The following PLEKHG4 variants were observed in gnomAD, a reference collection of about 807,000 sequenced individuals.
PLEKHG4 encodes the protein pleckstrin homology and RhoGEF domain containing G4, also known as puratrophin-1.
In PLEKHG4, 85 loss-of-function variants were observed where a neutral mutation model predicts 136.9. The observed-to-expected ratio is 0.62, with a 90% CI of 0.52 to 0.74. The LOEUF (loss-of-function observed/expected upper bound fraction) is 0.74, where lower values mean the gene tolerates loss of function less well. Ranked by LOEUF, PLEKHG4 falls within the 30% of genes least tolerant of loss-of-function variation. The pLI is 0.00. For synonymous variants in PLEKHG4, 577 were observed against 646.9 expected (o/e 0.89, Z 1.64); for missense variants, 1,317 against 1,527.8 (o/e 0.86, Z 2.30).
In PLEKHG4 at chr16:67,280,274, A is replaced by G; in HGVS notation, c.230A>G (p.Asp77Gly). 6.2e-7 allele frequency: 1 copy of G among 1,613,830 alleles called. No individual in the cohort carries two copies. Among genetic ancestry groups the G allele is most frequent in the Non-Finnish European group, 8.5e-7 (1 of 1,179,986 alleles). ...AAATTCCAGTTACCCCCAGCTGCAG[A>G]TGAGTCGGGGGATGCCCAGAGGGGC... is the stretch of plus-strand genomic sequence containing the variant. ...SRKFQLPPAA[D>G]ESGDAQRGTV... Residue 77 changes from aspartate to glycine, a missense_variant, in exon 2 of 22, where the codon GAT becomes GGT. Physicochemically the swap from Asp to Gly is moderately conservative, Grantham distance 94. Transcript: ENST00000379344. The surrounding 1 kb of genome is among the most constrained non-coding windows in gnomAD (Gnocchi z 4.4).
chr16:67,288,599 C>A lies in PLEKHG4; in HGVS notation c.3565C>A (p.Pro1189Thr), dbSNP rs1242011120. The A allele has an allele frequency of 6.2e-7, 1 of 1,614,142 alleles. No individual in the cohort carries two copies. The highest frequency in any genetic ancestry group is 8.5e-7 in the Non-Finnish European group (1 of 1,179,982). ...QALGRGLEDL[P>T]CV ...CCTGGGTAGGGGCCTGGAGGACTTA[C>A]CCTGTGTGAGTGCCATTTGCCCTAT... The change falls in exon 21 of 22, where the codon CCC becomes ACC. Residue 1189 changes from proline to threonine, a missense_variant. Coordinates refer to ENST00000379344, the MANE Select transcript of PLEKHG4 (RefSeq NM_001129729.3).
At chr16:67,281,441 G>A in intron 5 of PLEKHG4, 126 bp from the exon 6 acceptor site, 1 of 822,760 alleles carries the variant, frequency 1.2e-6, no homozygotes, top group East Asian at 2.6e-5. Flanking sequence ...TGCCCAGGCT[G>A]ATCTCGAACT....
intron 5 of PLEKHG4, 48 bp from the exon 6 acceptor site, chr16:67,281,519 C>A: frequency 6.6e-7 from 1 of 1,511,838 alleles, no homozygotes; most frequent in Admixed American, 1.7e-5. Context: ...AGCCACCATG[C>A]CCTTTTCTGT....
chr16:67,289,395 C>T lies in PLEKHG4; in HGVS notation c.*587C>T, dbSNP rs977230693. On this transcript the variant is annotated 3_prime_UTR_variant, in exon 22 of 22. Transcript: ENST00000379344. ...AAAATTATCTTACTGGTTGTTAGGC[C>T]TTTGGTGTCTCAGAGAAGGAGTCTA... 9.8e-6 allele frequency: 5 copies of T among 509,798 alleles called. No individual in the cohort carries two copies. Among genetic ancestry groups the T allele is most frequent in the African/African-American group, 7.8e-5 (4 of 51,416 alleles). 31.6% of individuals were successfully genotyped at this position (509,798 alleles called of 1,614,324 possible). A position where few individuals can be genotyped will look rare whatever the true frequency, so the allele number is the denominator to read the frequency against.
rs2036380041 is a variant in PLEKHG4 at position 67,284,649 on chromosome 16, A to G, written c.1693-64A>G. 3 of 1,589,686 alleles carry G rather than the reference A, an allele frequency of 1.9e-6. No individual in the cohort carries two copies. Among genetic ancestry groups the G allele is most frequent in the Admixed American group, 1.7e-5 (1 of 57,874 alleles). ...TGTGGGGATGGGGAGTGGGTAGAGG[A>G]GCAGAGTGCCCAGCAGGCTTGGCAG... On this transcript the variant is annotated intron_variant, in intron 12 of 21. Transcript: ENST00000379344. This position sits in a 1 kb window ranked among gnomAD's most constrained non-coding sequence, Gnocchi z 4.4.
chr16:67,286,795 T>C lies in PLEKHG4; in HGVS notation c.2801T>C (p.Val934Ala), dbSNP rs770617765. ...QGQLVRQDEFVVRTGRHKSVR... is the reference protein window; with the variant it reads ...QGQLVRQDEFAVRTGRHKSVR... ...CAGCTGGTGCGACAGGATGAGTTTG[T>C]GGTGCGCACTGGGCGCCACAAGTCC... Residue 934 changes from valine (V) to alanine (A), a missense_variant, in exon 17 of 22, where the codon GTG becomes GCG. Coordinates refer to ENST00000379344, the MANE Select transcript of PLEKHG4 (RefSeq NM_001129729.3). 1.9e-6 allele frequency: 3 copies of C among 1,614,082 alleles called. No individual in the cohort carries two copies. The highest frequency in any genetic ancestry group is 1.3e-5 in the African/African-American group (1 of 75,072).
At chr16:67,281,535 TG>T in intron 5 of PLEKHG4, 31 bp from the exon 6 acceptor site, 1 of 1,585,242 alleles carries the variant, frequency 6.3e-7, no homozygotes, top group Non-Finnish European at 8.7e-7. Context: ...TCTGTAGAGT[TG>T]GGGATAGTGC....
chr16:67,281,697 G>C, intron 6 of PLEKHG4, 27 bp from the exon 7 acceptor site: 1 of 1,613,264 alleles, frequency 6.2e-7, no homozygotes, highest in South Asian at 1.1e-5. Context: ...CCCCAGGCCT[G>C]GGTCACAACA....
Position 67,280,918 on chromosome 16 carries a change from T to C in PLEKHG4, c.632T>C (p.Leu211Pro). ...GTCCAAGGCCGGGCAGTGCTGCTTC[T>C]GTGTGCCCACAGCCCAGCCTGGCTT... ...RDVQGRAVLL[L>P]CAHSPAWLQS... The change falls in exon 4 of 22, where the codon CTG becomes CCG. Residue 211 changes from leucine (L) to proline (P), a missense_variant. Coordinates refer to ENST00000379344, the MANE Select transcript of PLEKHG4 (RefSeq NM_001129729.3). This position sits in a 1 kb window ranked among gnomAD's most constrained non-coding sequence, Gnocchi z 4.4. The C allele has an allele frequency of 6.2e-7, 1 of 1,613,128 alleles. No individual in the cohort carries two copies. The highest frequency in any genetic ancestry group is 8.5e-7 in the Non-Finnish European group (1 of 1,180,014).
intron 11 of PLEKHG4, among the ~76,000 whole-genome samples, chr16:67,283,539 G>C (rs2036322608): frequency 6.6e-6 from 1 of 152,184 alleles, no homozygotes; most frequent in African/African-American, 2.4e-5. Context: ...ATAGTGGCAG[G>C]GGAGACGGGT....
At position 67,285,004 on chromosome 16, in the gene PLEKHG4, C is replaced by T. The variant is rs1192191498; in HGVS notation, c.1984C>T (p.Gln662Ter). 3.1e-6 allele frequency: 5 copies of T among 1,613,544 alleles called. No individual in the cohort carries two copies. The highest frequency in any genetic ancestry group is 4.5e-5 in the East Asian group (2 of 44,884). The change falls in exon 13 of 22, where the codon CAG becomes TAG. Residue 662 changes from glutamine (Q) to a stop codon, truncating the protein, a stop_gained. Coordinates refer to ENST00000379344, the MANE Select transcript of PLEKHG4 (RefSeq NM_001129729.3). LOFTEE classifies it high-confidence loss of function. ...VGSTASLCVSQVPAAPAHPPL... is the reference protein window; with the variant it reads ...VGSTASLCVS ...CAGCACAGCTAGCCTGTGTGTCAGC[C>T]AGGTCCCCGCTGCACCTGCCCACCC...
chr16:67,280,233 C>A lies in PLEKHG4; in HGVS notation c.189C>A (p.Gly63=), dbSNP rs778262355. 6.2e-7 allele frequency: 1 copy of A among 1,613,520 alleles called. No individual in the cohort carries two copies. The highest frequency in any genetic ancestry group is 8.5e-7 in the Non-Finnish European group (1 of 1,179,606). The change falls in exon 2 of 22, where the codon GGC becomes GGA. Residue 63 remains glycine (G), a synonymous_variant. Transcript: ENST00000379344. This position sits in a 1 kb window ranked among gnomAD's most constrained non-coding sequence, Gnocchi z 4.4. ...CCACCCAGGATGAGGAGCTACAGGGCAGCCCCTTGTCCAGGAAATTCCAGT... is the reference window on the plus strand; with the variant it reads ...CCACCCAGGATGAGGAGCTACAGGGAAGCCCCTTGTCCAGGAAATTCCAGT... ...AGATQDEELQ[G]SPLSRKFQLP...
At chr16:67,283,175 G>C (rs2036309775) in intron 11 of PLEKHG4, among the ~76,000 whole-genome samples, 1 of 152,090 alleles carries the variant, frequency 6.6e-6, no homozygotes, top group Admixed American at 6.6e-5. Flanking sequence ...GCAGAAGAGG[G>C]TTGAGGATGG....
intron 18 of PLEKHG4, 33 bp from the exon 19 acceptor site, chr16:67,287,865 G>A (rs756909501): frequency 1.6e-5 from 23 of 1,417,908 alleles, no homozygotes; most frequent in Middle Eastern, 1.8e-4. Flanking sequence ...CTTATGTCCA[G>A]AAGCATCCCA....
rs369151536 is a variant in PLEKHG4 at position 67,284,771 on chromosome 16, C to T, written c.1751C>T (p.Pro584Leu). 8.1e-5 allele frequency: 130 copies of T among 1,613,650 alleles called. No homozygotes were observed. The highest frequency in any genetic ancestry group is 9.8e-5 in the Non-Finnish European group (116 of 1,179,906). ...TTGGCAGAGCTGGAGCAGGAACGCC[C>T]GGGGGTTGTGTTGCAGCAGCTGCAG... ...RVLAELEQER[P>L]GVVLQQLQLH... is the part of the protein sequence containing the mutation. The change falls in exon 13 of 22, where the codon CCG becomes CTG. Residue 584 changes from proline (P) to leucine (L), a missense_variant. Physicochemically the swap from Pro to Leu is moderately conservative, Grantham distance 98. Transcript: ENST00000379344. The surrounding 1 kb of genome is among the most constrained non-coding windows in gnomAD (Gnocchi z 4.4).
chr16:67,289,457 T>C lies in PLEKHG4; in HGVS notation c.*649T>C, dbSNP rs910365749. On this transcript the variant is annotated 3_prime_UTR_variant, in exon 22 of 22. Transcript: ENST00000379344. ...TGTGATTTAATCTTTTATTTGTTTA[T>C]AATAAAAAATAGACTGATATGTACC... 5.1e-6 allele frequency: 3 copies of C among 582,826 alleles called. No individual in the cohort carries two copies. Among genetic ancestry groups the C allele is most frequent in the Non-Finnish European group, 6.2e-6 (2 of 324,988 alleles). The allele number at this position is 582,826 out of a possible 1,614,324, so 36.1% of individuals were successfully genotyped here. A position where few individuals can be genotyped will look rare whatever the true frequency, so the allele number is the denominator to read the frequency against.
In PLEKHG4 at chr16:67,285,328, G is replaced by A. The variant is rs565652237; in HGVS notation, c.2234G>A (p.Arg745Gln). ...LVLAEMVATE[R>Q]EYVRALEYTM... ...CTGGCAGAGATGGTGGCCACGGAGC[G>A]GGAGTATGTCCGGGCTCTAGAGTAC... The change falls in exon 14 of 22, where the codon CGG becomes CAG. Residue 745 changes from arginine (R) to glutamine (Q), a missense_variant. Transcript: ENST00000379344. The A allele has an allele frequency of 3.7e-6, 6 of 1,614,068 alleles. No individual in the cohort carries two copies. The African/African-American group carries it at 4.0e-5, about 11-fold the overall frequency.
At position 67,280,703 on chromosome 16, in the gene PLEKHG4, T is replaced by C; in HGVS notation, c.500-8T>C. The C allele has an allele frequency of 6.2e-7, 1 of 1,614,068 alleles. No homozygotes were observed. ...CCAAGGCAGACCCAAGTCATTTCCC[T>C]TCCCAAGCCCCCAGTGGATCCGGCC... On this transcript the variant is annotated splice_polypyrimidine_tract_variant and splice_region_variant and intron_variant, in intron 2 of 21. Transcript: ENST00000379344. The surrounding 1 kb of genome is among the most constrained non-coding windows in gnomAD (Gnocchi z 4.4).
Position 67,284,671 on chromosome 16 carries a change from G to C in PLEKHG4, c.1693-42G>C. The C allele has an allele frequency of 1.9e-6, 3 of 1,608,294 alleles. No individual in the cohort carries two copies. The highest frequency in any genetic ancestry group is 2.5e-6 in the Non-Finnish European group (3 of 1,178,306). Reference sequence around the variant, plus strand: ...AGGAGCAGAGTGCCCAGCAGGCTTGGCAGGATCTTCCTCTAATGCTTGTCC... The same window carrying C: ...AGGAGCAGAGTGCCCAGCAGGCTTGCCAGGATCTTCCTCTAATGCTTGTCC... On this transcript the variant is annotated intron_variant, in intron 12 of 21. Coordinates refer to ENST00000379344, the MANE Select transcript of PLEKHG4 (RefSeq NM_001129729.3). This position sits in a 1 kb window ranked among gnomAD's most constrained non-coding sequence, Gnocchi z 4.4.
Sources: allele counts gnomAD v4.1 joint callset (sites outside exome capture counted in the v4.1 genomes callset), GRCh38; gene constraint gnomAD v4.1.1; non-coding constraint Gnocchi (gnomAD v3.1); transcripts MANE v1.5; gene names NCBI Gene and HGNC (gene_info 2026-07-23, HGNC 2026-07-21).